Variants in TPR observed in about 807,000 individuals in gnomAD.
The protein encoded by TPR is translocated promoter region, nuclear basket protein, also known as nucleoprotein TPR.
TPR carries 51 observed loss-of-function variants against 316.1 expected under a neutral mutation model. The observed-to-expected ratio is 0.16, with a 90% CI of 0.13 to 0.20. TPR has a LOEUF of 0.20. Ranked by LOEUF, TPR falls within the 10% of genes least tolerant of loss-of-function variation. TPR has a pLI of 1.00. For missense variants in TPR, 2,272 were observed against 2,754.8 expected, an observed-to-expected ratio of 0.82 and a Z score of 3.92; for synonymous variants, 981 against 914.7, an observed-to-expected ratio of 1.07 and a Z score of -1.31.
At position 186,327,324 on chromosome 1, in the gene TPR, T is replaced by C. The variant is rs372433144; in HGVS notation, c.5889+136A>G. On this transcript the variant is annotated intron_variant, in intron 40 of 50. Transcript: ENST00000367478. Reference sequence around the variant, plus strand: ...AATATATAATATATTAAATATATAATATATAATATAAATAAATATAATCTA... The same window carrying C: ...AATATATAATATATTAAATATATAACATATAATATAAATAAATATAATCTA... The C allele has an allele frequency of 2.7e-3, 265 of 96,582 alleles. 7 individuals carry two copies. The highest frequency in any genetic ancestry group is 0.011 in the African/African-American group (240 of 22,822). 6.0% of individuals were successfully genotyped at this position (96,582 alleles called of 1,614,324 possible).
At chr1:186,340,920 A>C in intron 29 of TPR, 108 bp downstream of exon 29, 1 of 1,367,872 alleles carries the variant, frequency 7.3e-7, no homozygotes, top group Non-Finnish European at 1.0e-6. Context: ...TTTCACTAAT[A>C]AACACAGTAA....
intron 7 of TPR, 147 bp from the exon 8 acceptor site, chr1:186,362,016 A>C: frequency 1.4e-6 from 1 of 711,680 alleles, no homozygotes; most frequent in African/African-American, 1.8e-5. Flanking sequence ...ACAAAGATAA[A>C]TTAAGGATAA....
At position 186,318,576 on chromosome 1, in the gene TPR, G is replaced by A. The variant is rs1312955399; in HGVS notation, c.6692C>T (p.Ser2231Phe). 27 of 1,613,260 alleles carry A rather than the reference G, an allele frequency of 1.7e-5. No individual in the cohort carries two copies. Among genetic ancestry groups the A allele is most frequent in the Non-Finnish European group, 2.3e-5 (27 of 1,179,820 alleles). ...PVTVFTESTT[S>F]DASEHASQSV... Reference sequence around the variant, plus strand: ...TTGAGAGGCATGTTCCGAAGCATCAGAGGTGGTGCTCTCAGTAAATACAGT... The same window carrying A: ...TTGAGAGGCATGTTCCGAAGCATCAAAGGTGGTGCTCTCAGTAAATACAGT... The change falls in exon 48 of 51, where the codon TCT (serine) becomes TTT (phenylalanine). Residue 2231 changes from serine to phenylalanine, a missense_variant. Physicochemically the swap from Ser to Phe is radical, Grantham distance 155 (BLOSUM62 -2). Coordinates refer to ENST00000367478, the MANE Select transcript of TPR (RefSeq NM_003292.3).
chr1:186,353,520 C>T (rs1437915514), intron 18 of TPR, among the ~76,000 whole-genome samples, 168 bp downstream of exon 18: 1 of 152,188 alleles, frequency 6.6e-6, no homozygotes, highest in Non-Finnish European at 1.5e-5. Context: ...GAAACAATCA[C>T]CCCACTAACG....
chr1:186,352,830 CTT>C (rs1438144124), intron 18 of TPR, among the ~76,000 whole-genome samples: 28 of 152,276 alleles, frequency 1.8e-4, no homozygotes, highest in Non-Finnish European at 1.2e-4. Flanking sequence ...TACATTAGCT[CTT>C]GAGTCTGTTT....
intron 27 of TPR, chr1:186,341,838 T>C (rs1658513578): frequency 6.3e-6 from 1 of 159,542 alleles, no homozygotes; most frequent in South Asian, 1.8e-4. Flanking sequence ...ATTTTTTCCT[T>C]CTCATAGGTT....
At chr1:186,323,007 T>C (rs1278851667) in intron 43 of TPR, among the ~76,000 whole-genome samples, 1 of 152,248 alleles carries the variant, frequency 6.6e-6, no homozygotes, top group East Asian at 1.9e-4. Flanking sequence ...GTAGCCTCCA[T>C]ACAGGATCCT....
Position 186,318,715 on chromosome 1 carries a change from T to G in TPR, c.6664+18A>C. ...TTTACCAATAAAACAGAACCTACTATCTGCCTTTGATCCCTACCTGGGGCT... is the reference window on the plus strand; with the variant it reads ...TTTACCAATAAAACAGAACCTACTAGCTGCCTTTGATCCCTACCTGGGGCT... On this transcript the variant is annotated intron_variant, in intron 47 of 50. Transcript: ENST00000367478. 6.2e-7 allele frequency: 1 copy of G among 1,613,362 alleles called. No individual in the cohort carries two copies. Among genetic ancestry groups the G allele is most frequent in the Non-Finnish European group, 8.5e-7 (1 of 1,179,790 alleles).
Position 186,311,737 on chromosome 1 carries a change from G to C in TPR, c.*2234C>G, listed in dbSNP as rs538802875. The C allele has an allele frequency of 1.1e-6, 1 of 904,928 alleles. No individual in the cohort carries two copies. Among genetic ancestry groups the C allele is most frequent in the Non-Finnish European group, 1.7e-6 (1 of 599,824 alleles). 56.1% of individuals were successfully genotyped at this position (904,928 alleles called of 1,614,324 possible). ...TTCAGTGAAAAAAATCAATATTGAGGGTAGTATTCTTATTGCCCTCAATTT... is the reference window on the plus strand; with the variant it reads ...TTCAGTGAAAAAAATCAATATTGAGCGTAGTATTCTTATTGCCCTCAATTT... On this transcript the variant is annotated 3_prime_UTR_variant, in exon 51 of 51. Transcript: ENST00000367478.
intron 27 of TPR, 155 bp from the exon 28 acceptor site, chr1:186,341,544 G>C: frequency 1.4e-6 from 1 of 720,318 alleles, no homozygotes; most frequent in Non-Finnish European, 2.1e-6. Context: ...TTACTTTTCT[G>C]TGAGGCATGC....
At chr1:186,351,140 A>C (rs193055744) in intron 20 of TPR, among the ~76,000 whole-genome samples, 190 bp downstream of exon 20, 16 of 152,328 alleles carry the variant, frequency 1.1e-4, no homozygotes, top group Non-Finnish European at 1.9e-4. Context: ...AATACTCAGC[A>C]CCCAACATGG....
chr1:186,366,828 A>G (rs1210917943), intron 4 of TPR, among the ~76,000 whole-genome samples: 1 of 150,578 alleles, frequency 6.6e-6, no homozygotes, highest in Non-Finnish European at 1.5e-5. Flanking sequence ...TATGGAATAC[A>G]CATTTTTAAA....
chr1:186,365,548 G>T (rs1181349434), intron 4 of TPR, among the ~76,000 whole-genome samples: 2 of 152,060 alleles, frequency 1.3e-5, no homozygotes, highest in Admixed American at 6.6e-5. Flanking sequence ...GGACCTTTAC[G>T]GCTCAATAGA....
Position 186,361,666 on chromosome 1 carries a change from C to G in TPR, c.914G>C (p.Arg305Pro). 6.2e-7 allele frequency: 1 copy of G among 1,613,360 alleles called. No individual in the cohort carries two copies. The highest frequency in any genetic ancestry group is 8.5e-7 in the Non-Finnish European group (1 of 1,179,462). The change falls in exon 9 of 51, where the codon CGG becomes CCG. Residue 305 changes from arginine (R) to proline (P), a missense_variant. Coordinates refer to ENST00000367478, the MANE Select transcript of TPR (RefSeq NM_003292.3). ...AAGTTTGTGTAGTTCCTCTACTGCC[C>G]GGGTTAGTTCATTGCTCTTTGCTTC... Reference protein sequence around the residue: ...DSEAKSNELTRAVEELHKLLK... With the variant: ...DSEAKSNELTPAVEELHKLLK...
intron 4 of TPR, among the ~76,000 whole-genome samples, chr1:186,367,620 T>A (rs1389100678): frequency 6.6e-6 from 1 of 152,222 alleles, no homozygotes; most frequent in Non-Finnish European, 1.5e-5. Flanking sequence ...TGTACAGCAT[T>A]GTAGTGAAAA....
At position 186,313,472 on chromosome 1, in the gene TPR, T is replaced by C. The variant is rs1226381831; in HGVS notation, c.*499A>G. Reference sequence around the variant, plus strand: ...AGCTGAACCTGATTTTACAAAAAGATGGTGAAATGTCAATCTTTTGAAACA... The same window carrying C: ...AGCTGAACCTGATTTTACAAAAAGACGGTGAAATGTCAATCTTTTGAAACA... On this transcript the variant is annotated 3_prime_UTR_variant, in exon 51 of 51. Transcript: ENST00000367478. 5 of 514,802 alleles carry C rather than the reference T, an allele frequency of 9.7e-6. No homozygotes were observed. Among genetic ancestry groups the C allele is most frequent in the African/African-American group, 7.6e-5 (4 of 52,372 alleles). 31.9% of individuals were successfully genotyped at this position (514,802 alleles called of 1,614,324 possible).
At chr1:186,373,334 T>TA in intron 2 of TPR, 25 bp downstream of exon 2, 1 of 1,561,294 alleles carries the variant, frequency 6.4e-7, no homozygotes, top group Non-Finnish European at 8.8e-7. Flanking sequence ...CCGAGAATAC[T>TA]TACAAAGATG....
Position 186,375,137 on chromosome 1 carries a change from G to A in TPR, c.-109C>T. 6.4e-7 allele frequency: 1 copy of A among 1,552,046 alleles called. No homozygotes were observed. Among genetic ancestry groups the A allele is most frequent in the Non-Finnish European group, 8.7e-7 (1 of 1,148,440 alleles). ...CCTGGGCCGCCGCCTCTATCACCTCGCTCGGTGGCTCGCGCGCGCCCGCCC... is the reference window on the plus strand; with the variant it reads ...CCTGGGCCGCCGCCTCTATCACCTCACTCGGTGGCTCGCGCGCGCCCGCCC... On this transcript the variant is annotated 5_prime_UTR_variant, in exon 1 of 51. Coordinates refer to ENST00000367478, the MANE Select transcript of TPR (RefSeq NM_003292.3).
intron 26 of TPR, 71 bp from the exon 27 acceptor site, chr1:186,343,544 G>A: frequency 2.8e-6 from 4 of 1,427,566 alleles, no homozygotes; most frequent in Admixed American, 2.2e-5. Flanking sequence ...TAGGTAATTT[G>A]GTAAGATGAC....
Sources: gnomAD v4.1 joint callset for allele counts (sites outside exome capture counted in the v4.1 genomes callset) on GRCh38, gnomAD v4.1.1 for gene constraint, MANE v1.5 for transcripts, NCBI Gene and HGNC (gene_info 2026-07-23, HGNC 2026-07-21) for gene names.